Variants in PCBD2 observed in about 807,000 individuals in gnomAD.
PCBD2 encodes pterin-4 alpha-carbinolamine dehydratase 2.
A neutral mutation model predicts 16.4 loss-of-function variants in PCBD2; 12 were observed. The ratio of observed to expected loss-of-function variants is 0.73; its 90% CI spans 0.47 to 1.19. The LOEUF (loss-of-function observed/expected upper bound fraction) is 1.19, where lower values mean the gene tolerates loss of function less well. PCBD2 is among the 50% of genes most tolerant of loss of function. The pLI is 0.00. For missense variants in PCBD2, 138 were observed against 156.8 expected (o/e 0.88, Z 0.64); for synonymous variants, 58 against 61.8 (o/e 0.94, Z 0.29).
intron 2 of PCBD2, among the ~76,000 whole-genome samples, chr5:134,920,256 A>G (rs946378733): frequency 6.6e-6 from 1 of 152,228 alleles, no homozygotes; most frequent in Admixed American, 6.5e-5. Context: ...ACACTAAACA[A>G]GATTGAGATC....
intron 1 of PCBD2, among the ~76,000 whole-genome samples, chr5:134,910,070 G>T (rs1451512831): frequency 6.6e-6 from 1 of 152,008 alleles, no homozygotes; most frequent in East Asian, 1.9e-4. Context: ...ACCCTGTCTC[G>T]AAACAACCAA....
intron 2 of PCBD2, chr5:134,923,500 T>C (rs1750933185): frequency 3.7e-6 from 1 of 271,554 alleles, no homozygotes; most frequent in African/African-American, 2.2e-5. Flanking sequence ...AAGGGCAAGA[T>C]AAAGTGAAAG....
rs1331853772 is a variant in PCBD2, at chr5:134,910,266, T to C, written c.85-69T>C. 7.3e-6 allele frequency: 11 copies of C among 1,510,554 alleles called. No individual in the cohort carries two copies. In the African/African-American group the frequency reaches 9.7e-5, roughly 13 times the overall value. 93.6% of individuals were successfully genotyped at this position (1,510,554 alleles called of 1,614,324 possible). On this transcript the variant is annotated intron_variant, in intron 1 of 3. Coordinates refer to ENST00000254908, the MANE Select transcript of PCBD2 (RefSeq NM_032151.5). ...GACTTTTCTACATCTCTGCTTAAGGTAAGGAGCCATAAGTTTGAGTTTGAG... is the reference window on the plus strand; with the variant it reads ...GACTTTTCTACATCTCTGCTTAAGGCAAGGAGCCATAAGTTTGAGTTTGAG...
At chr5:134,943,458 A>T (rs1751256408) in intron 2 of PCBD2, among the ~76,000 whole-genome samples, 1 of 152,248 alleles carries the variant, frequency 6.6e-6, no homozygotes, top group Non-Finnish European at 1.5e-5. Flanking sequence ...TGCCACCAGT[A>T]TTGCAGATTT....
chr5:134,923,389 G>A (rs1750930833), intron 2 of PCBD2: 1 of 193,360 alleles, frequency 5.2e-6, no homozygotes, highest in South Asian at 1.8e-4. Flanking sequence ...TAGTAGGGGT[G>A]GAAGGTGATT....
At chr5:134,923,859 G>A in intron 2 of PCBD2, 2 of 394,474 alleles carry the variant, frequency 5.1e-6, no homozygotes, top group Non-Finnish European at 4.5e-6. Flanking sequence ...GGCGATCGAT[G>A]AGAAGGCGGT....
intron 2 of PCBD2, among the ~76,000 whole-genome samples, chr5:134,916,965 A>AT (rs1270108173): frequency 6.6e-6 from 1 of 152,194 alleles, no homozygotes; most frequent in African/African-American, 2.4e-5. Flanking sequence ...TGGGATTGGC[A>AT]TTTGTAAAGG....
chr5:134,916,179 G>T (rs905776409), intron 2 of PCBD2, among the ~76,000 whole-genome samples: 1 of 152,116 alleles, frequency 6.6e-6, no homozygotes, highest in African/African-American at 2.4e-5. Flanking sequence ...TCAGTTACAT[G>T]GGAGGGAGGC....
intron 2 of PCBD2, among the ~76,000 whole-genome samples, chr5:134,947,713 T>C (rs1308877765): frequency 3.3e-5 from 5 of 152,154 alleles, no homozygotes; most frequent in Admixed American, 2.0e-4. Flanking sequence ...TAAAAATATA[T>C]TTGGGCAGGT....
intron 2 of PCBD2, among the ~76,000 whole-genome samples, chr5:134,920,997 C>G (rs187425152): frequency 3.3e-5 from 5 of 152,372 alleles, no homozygotes; most frequent in African/African-American, 1.2e-4. Context: ...AAACTGACTT[C>G]AAGTGCCCTG....
intron 2 of PCBD2, among the ~76,000 whole-genome samples, chr5:134,957,347 C>T (rs796846777): frequency 1.5e-4 from 23 of 152,310 alleles, no homozygotes; most frequent in African/African-American, 5.5e-4. Context: ...CTCCCTGGCT[C>T]AAAAGGCCAT....
rs566331904 is a variant in PCBD2, at chr5:134,911,675, T to C, written c.216+1209T>C. On this transcript the variant is annotated intron_variant, in intron 2 of 3. Coordinates refer to ENST00000254908, the MANE Select transcript of PCBD2 (RefSeq NM_032151.5). ...GACCAGATTTGCACCAAAGAAACCT[T>C]CGGCATGTTTTCCTAGTAAATGTCA... Among the ~76,000 whole-genome samples, 14 of 152,302 alleles carry C rather than the reference T, an allele frequency of 9.2e-5. 1 individual carries two copies. The South Asian group carries it at 2.9e-3, about 32-fold the overall frequency.
intron 2 of PCBD2, among the ~76,000 whole-genome samples, chr5:134,938,475 A>T (rs576912793): frequency 3.7e-4 from 57 of 152,314 alleles, no homozygotes; most frequent in African/African-American, 1.3e-3. Context: ...CCATATGACG[A>T]GGGTGTCCTC....
chr5:134,954,718 G>T (rs1751395425), intron 2 of PCBD2, among the ~76,000 whole-genome samples: 1 of 151,702 alleles, frequency 6.6e-6, no homozygotes, highest in Non-Finnish European at 1.5e-5. Context: ...TTGAATGTTG[G>T]TATGTGAATG....
In PCBD2 at chr5:134,958,012, T is replaced by C. The variant is rs1361279093; in HGVS notation, c.217-1028T>C. ...AATACACACTTAGGTCATTTGGTGA[T>C]CCCAAAAACATGGCTTGACTAACAT... On this transcript the variant is annotated intron_variant, in intron 2 of 3. Transcript: ENST00000254908. 2.6e-5 allele frequency among the ~76,000 whole-genome samples: 4 copies of C among 152,232 alleles called. No homozygotes were observed. The East Asian group carries it at 7.7e-4, about 29-fold the overall frequency.
intron 2 of PCBD2, among the ~76,000 whole-genome samples, chr5:134,930,690 C>T (rs1012259528): frequency 2.6e-5 from 4 of 152,144 alleles, no homozygotes; most frequent in Admixed American, 6.5e-5. Context: ...TTTAGCACCA[C>T]GGTTTCAGCC....
At chr5:134,947,838 T>A (rs2149539022) in intron 2 of PCBD2, among the ~76,000 whole-genome samples, 1 of 152,182 alleles carries the variant, frequency 6.6e-6, no homozygotes, top group East Asian at 1.9e-4. Flanking sequence ...CCAAGGAGCT[T>A]AAATACAATT....
chr5:134,942,785 A>G (rs1341162911), intron 2 of PCBD2, among the ~76,000 whole-genome samples: 1 of 152,148 alleles, frequency 6.6e-6, no homozygotes, highest in African/African-American at 2.4e-5. Flanking sequence ...CATCTTACCT[A>G]GATGGGAAAT....
intron 2 of PCBD2, among the ~76,000 whole-genome samples, chr5:134,911,160 T>C (rs1355319229): frequency 1.3e-5 from 2 of 152,200 alleles, no homozygotes; most frequent in African/African-American, 4.8e-5. Flanking sequence ...TTGACTTATT[T>C]TCCCTGACTT....
Sources: allele counts gnomAD v4.1 joint callset (sites outside exome capture counted in the v4.1 genomes callset), GRCh38; gene constraint gnomAD v4.1.1; transcripts MANE v1.5; gene names NCBI Gene and HGNC (gene_info 2026-07-23, HGNC 2026-07-21).